CCNH: variants seen among roughly 807,000 people sequenced by gnomAD.
The protein encoded by CCNH is cyclin H.
CCNH carries 31 observed loss-of-function variants against 41.9 expected under a neutral mutation model. The ratio of observed to expected loss-of-function variants is 0.74; its 90% CI spans 0.56 to 1.00. The LOEUF is 1.00. Ranked by LOEUF, CCNH falls within the 50% of genes least tolerant of loss-of-function variation. The pLI, the probability that CCNH is intolerant of heterozygous loss-of-function variation, is 0.00. For synonymous variants in CCNH, 138 were observed against 136.1 expected (o/e 1.01, Z -0.10); for missense variants, 362 against 388.4 (o/e 0.93, Z 0.57).
At chr5:87,334,773 T>C (rs1757845501) in intron 9 of CCNH, among the ~76,000 whole-genome samples, 2 of 152,242 alleles carry the variant, frequency 1.3e-5, no homozygotes, top group Non-Finnish European at 2.9e-5. Flanking sequence ...AACCTGTGAC[T>C]ACACAACTTT....
chr5:87,376,375 C>G (rs536823135), exon 1 of CCNH: 1 of 1,613,328 alleles, frequency 6.2e-7, no homozygotes, highest in African/African-American at 1.3e-5. Context: ...ACAATAATTG[C>G]TTGTTTTTCT....
chr5:87,397,219 A>G (rs1205622185), intron 7 of CCNH, among the ~76,000 whole-genome samples: 1 of 151,570 alleles, frequency 6.6e-6, no homozygotes, highest in East Asian at 1.9e-4. Context: ...CTGGAGTGCA[A>G]TGGCGTGATC....
downstream of CCNH, chr5:87,391,530 A>G (rs1160476264): frequency 8.4e-6 from 2 of 237,576 alleles, no homozygotes; most frequent in East Asian, 6.1e-5. Flanking sequence ...CATACGACTT[A>G]TTTTGTTGAA....
intron 6 of CCNH, among the ~76,000 whole-genome samples, chr5:87,401,315 C>T (rs1309761843): frequency 6.6e-6 from 1 of 152,206 alleles, no homozygotes; most frequent in African/African-American, 2.4e-5. Flanking sequence ...CTCCTTCTAC[C>T]TTTCTCTTAA....
upstream of CCNH, chr5:87,377,305 G>A: frequency 2.1e-6 from 1 of 470,800 alleles, no homozygotes; most frequent in South Asian, 2.1e-5. Context: ...TCAATGGCTT[G>A]ACTGTTTGGC....
chr5:87,326,369 T>A (rs1405479193), intron 9 of CCNH, among the ~76,000 whole-genome samples: 1 of 152,206 alleles, frequency 6.6e-6, no homozygotes, highest in African/African-American at 2.4e-5. Context: ...ACATGCAGTT[T>A]CATCTTAGAT....
At chr5:87,392,353 C>T, downstream of CCNH, 1 of 455,966 alleles carries the variant, frequency 2.2e-6, no homozygotes, top group Non-Finnish European at 4.4e-6. Context: ...GGCTGCTAAC[C>T]TATGTGGCTT....
chr5:87,374,703 G>GA, downstream of CCNH: 5 of 1,234,020 alleles, frequency 4.1e-6, no homozygotes, highest in South Asian at 7.0e-5. Flanking sequence ...AATATGTTGT[G>GA]AATCTGGTTT....
intron 9 of CCNH, among the ~76,000 whole-genome samples, chr5:87,337,472 A>T (rs1758056656): frequency 6.6e-6 from 1 of 152,106 alleles, no homozygotes; most frequent in African/African-American, 2.4e-5. Context: ...AACTGACATA[A>T]GCATCTACAT....
chr5:87,369,527 A>C (rs1760772448), intron 9 of CCNH, among the ~76,000 whole-genome samples: 1 of 152,160 alleles, frequency 6.6e-6, no homozygotes. Context: ...CTAGCAGTTC[A>C]GCTTCAATCT....
At chr5:87,382,309 T>C (rs1761775089) in intron 9 of CCNH, among the ~76,000 whole-genome samples, 1 of 152,124 alleles carries the variant, frequency 6.6e-6, no homozygotes, top group Non-Finnish European at 1.5e-5. Flanking sequence ...TTTCTAAGAG[T>C]CCAAAAATTA....
upstream of CCNH, among the ~76,000 whole-genome samples, chr5:87,378,206 A>G (rs1409676780): frequency 6.6e-6 from 1 of 152,208 alleles, no homozygotes; most frequent in Non-Finnish European, 1.5e-5. Context: ...GGTAATACAT[A>G]TGAAAGTCTT....
chr5:87,361,596 A>C (rs1330983161), intron 9 of CCNH, among the ~76,000 whole-genome samples: 2 of 152,178 alleles, frequency 1.3e-5, no homozygotes, highest in Non-Finnish European at 2.9e-5. Flanking sequence ...TTGAAGATTC[A>C]TTTATTCTGG....
intron 9 of CCNH, among the ~76,000 whole-genome samples, chr5:87,360,188 A>C (rs892400226): frequency 4.1e-5 from 6 of 146,268 alleles, no homozygotes; most frequent in African/African-American, 1.5e-4. Flanking sequence ...GTGGAATGGC[A>C]TGATCTCAGC....
intron 9 of CCNH, among the ~76,000 whole-genome samples, chr5:87,323,394 T>C (rs1349495476): frequency 6.6e-6 from 1 of 152,118 alleles, no homozygotes; most frequent in East Asian, 1.9e-4. Flanking sequence ...AATGGGCATA[T>C]TGTGGAGAAC....
intron 8 of CCNH, 137 bp downstream of exon 8, chr5:87,394,907 G>C: frequency 6.6e-7 from 1 of 1,517,626 alleles, no homozygotes; most frequent in Non-Finnish European, 8.8e-7. Context: ...AGTACTGTAC[G>C]TAAGGAAGTA....
chr5:87,352,763 T>G (rs1759367481), intron 9 of CCNH, among the ~76,000 whole-genome samples: 1 of 151,848 alleles, frequency 6.6e-6, no homozygotes, highest in Non-Finnish European at 1.5e-5. Context: ...TTACCTGAAC[T>G]CTGCTTCCTA....
chr5:87,338,533 A>ATT (rs1491365794), intron 9 of CCNH, among the ~76,000 whole-genome samples: 1 of 91,318 alleles, frequency 1.1e-5, no homozygotes, highest in African/African-American at 5.1e-5. Context: ...ATATATATAT[A>ATT]AAATTTTTTT....
intron 1 of CCNH, 87 bp downstream of exon 1, chr5:87,412,591 C>T (rs1289383368): frequency 1.3e-6 from 2 of 1,539,530 alleles, no homozygotes; most frequent in African/African-American, 1.4e-5. Flanking sequence ...AACGACGGAG[C>T]GAGATTGTCC....
Sources: allele counts gnomAD v4.1 joint callset (sites outside exome capture counted in the v4.1 genomes callset), GRCh38; gene constraint gnomAD v4.1.1; transcripts MANE v1.5; gene names NCBI Gene and HGNC (gene_info 2026-07-23, HGNC 2026-07-21).